CNTN3: variants seen among roughly 807,000 people sequenced by gnomAD.
CNTN3 encodes the protein contactin 3.
Under a neutral mutation model 119.1 loss-of-function variants are expected in CNTN3, and 60 were observed. That is an observed-to-expected ratio of 0.50 (90% confidence interval 0.41 to 0.62). The LOEUF is 0.62. Ranked by LOEUF, CNTN3 falls within the 20% of genes least tolerant of loss-of-function variation. The probability of loss-of-function intolerance (pLI) is 0.00; values close to 1 mark genes in which losing one functional copy is unlikely to be tolerated. For synonymous variants in CNTN3, 450 were observed against 438.7 expected (o/e 1.03, Z -0.32); for missense variants, 1,101 against 1,242.4 (o/e 0.89, Z 1.71).
chr3:74,440,483 C>CAA (rs57947790), intron 4 of CNTN3, among the ~76,000 whole-genome samples: 2,291 of 141,854 alleles, frequency 0.016, 42 homozygotes, highest in African/African-American at 0.043. Flanking sequence ...AAGCAAATAG[C>CAA]AAAAAAAAAA....
intron 19 of CNTN3, among the ~76,000 whole-genome samples, chr3:74,287,680 T>C (rs1261177354): frequency 6.6e-6 from 1 of 152,176 alleles, no homozygotes; most frequent in Non-Finnish European, 1.5e-5. Flanking sequence ...GTATGAACTA[T>C]TGTCAGTCTG....
chr3:74,328,824 C>T (rs891543414), intron 13 of CNTN3, among the ~76,000 whole-genome samples: 2 of 152,142 alleles, frequency 1.3e-5, no homozygotes, highest in African/African-American at 4.8e-5. Context: ...GCTTCAACGA[C>T]GTGGGTTCAA....
chr3:74,378,133 C>T (rs1247620560), intron 5 of CNTN3, among the ~76,000 whole-genome samples: 2 of 152,198 alleles, frequency 1.3e-5, no homozygotes, highest in African/African-American at 2.4e-5. Flanking sequence ...TTTTTATCAC[C>T]GATTCATACA....
chr3:74,429,248 A>T (rs1033773350), intron 4 of CNTN3, among the ~76,000 whole-genome samples: 5 of 152,120 alleles, frequency 3.3e-5, no homozygotes, highest in African/African-American at 4.8e-5. Context: ...AACTATCTAG[A>T]CTAAAAACAA....
chr3:74,515,021 T>C (rs1183095768), intron 2 of CNTN3, among the ~76,000 whole-genome samples: 1 of 152,040 alleles, frequency 6.6e-6, no homozygotes, highest in East Asian at 1.9e-4. Flanking sequence ...TTTTCTTATG[T>C]TCAAGCTTTG....
intron 20 of CNTN3, among the ~76,000 whole-genome samples, chr3:74,271,598 A>G (rs1701777122): frequency 6.6e-6 from 1 of 152,210 alleles, no homozygotes; most frequent in Non-Finnish European, 1.5e-5. Context: ...TAATTATACA[A>G]AACTCAGTAT....
chr3:74,603,792 T>G (rs949486011), intron 1 of CNTN3, among the ~76,000 whole-genome samples: 2 of 151,908 alleles, frequency 1.3e-5, no homozygotes, highest in African/African-American at 2.4e-5. Flanking sequence ...TCCAAAGACA[T>G]TTTTCACAGA....
At chr3:74,396,020 CTA>C (rs1416897579) in intron 5 of CNTN3, among the ~76,000 whole-genome samples, 2 of 152,076 alleles carry the variant, frequency 1.3e-5, no homozygotes, top group Non-Finnish European at 2.9e-5. Context: ...AATAAATGTT[CTA>C]TGTGTTCTGA....
intron 2 of CNTN3, among the ~76,000 whole-genome samples, chr3:74,517,837 C>A (rs1320213017): frequency 6.6e-6 from 1 of 151,918 alleles, no homozygotes; most frequent in Non-Finnish European, 1.5e-5. Flanking sequence ...CAGGCAAACA[C>A]CTCCCTATCC....
chr3:74,488,028 T>A (rs1332953575), intron 3 of CNTN3, among the ~76,000 whole-genome samples: 2 of 149,210 alleles, frequency 1.3e-5, no homozygotes, highest in African/African-American at 4.9e-5. Context: ...TTATACTGTA[T>A]AATTATATAG....
intron 1 of CNTN3, among the ~76,000 whole-genome samples, chr3:74,588,459 T>C (rs1364090911): frequency 6.6e-6 from 1 of 151,698 alleles, no homozygotes; most frequent in East Asian, 1.9e-4. Flanking sequence ...TAAAAGAGGA[T>C]ACAAACAAAT....
chr3:74,581,109 A>AG (rs1704497630), intron 1 of CNTN3, among the ~76,000 whole-genome samples: 2 of 152,164 alleles, frequency 1.3e-5, no homozygotes, highest in African/African-American at 4.8e-5. Flanking sequence ...ATTTCTACTC[A>AG]CCATTATACT....
At chr3:74,388,638 A>G (rs1301245256) in intron 5 of CNTN3, among the ~76,000 whole-genome samples, 1 of 152,188 alleles carries the variant, frequency 6.6e-6, no homozygotes, top group African/African-American at 2.4e-5. Context: ...CCTAAGAAAC[A>G]GCAAAAATAG....
At chr3:74,540,321 T>C (rs1163367348) in intron 1 of CNTN3, among the ~76,000 whole-genome samples, 1 of 152,166 alleles carries the variant, frequency 6.6e-6, no homozygotes, top group Non-Finnish European at 1.5e-5. Context: ...TTCCTTTGCA[T>C]AGTGCTTAAC....
At chr3:74,451,387 T>G (rs1702151540) in intron 4 of CNTN3, among the ~76,000 whole-genome samples, 1 of 152,298 alleles carries the variant, frequency 6.6e-6, no homozygotes, top group South Asian at 2.1e-4. Flanking sequence ...TAAATTTGTT[T>G]CAGTTCATTG....
intron 1 of CNTN3, among the ~76,000 whole-genome samples, chr3:74,535,495 C>T (rs2107140637): frequency 6.6e-6 from 1 of 152,184 alleles, no homozygotes; most frequent in Admixed American, 6.5e-5. Flanking sequence ...GGGAAAGACA[C>T]AAACTGACTG....
At chr3:74,473,266 G>T (rs1248630843) in intron 4 of CNTN3, among the ~76,000 whole-genome samples, 1 of 151,452 alleles carries the variant, frequency 6.6e-6, no homozygotes, top group Non-Finnish European at 1.5e-5. Context: ...GGTTATGTGA[G>T]GGGGTAGACT....
At chr3:74,316,958 T>G (rs1385313873) in intron 13 of CNTN3, among the ~76,000 whole-genome samples, 1 of 151,582 alleles carries the variant, frequency 6.6e-6, no homozygotes, top group Non-Finnish European at 1.5e-5. Flanking sequence ...CCATTATTAT[T>G]GTGTGGGAGT....
intron 11 of CNTN3, among the ~76,000 whole-genome samples, chr3:74,358,940 T>C (rs887654673): frequency 6.6e-6 from 1 of 152,032 alleles, no homozygotes; most frequent in Non-Finnish European, 1.5e-5. Context: ...GGACATGAAC[T>C]CATCATTTTT....
Sources: allele counts gnomAD v4.1 joint callset (sites outside exome capture counted in the v4.1 genomes callset), GRCh38; gene constraint gnomAD v4.1.1; transcripts MANE v1.5; gene names NCBI Gene and HGNC (gene_info 2026-07-23, HGNC 2026-07-21).